ITGA4: variants seen among roughly 807,000 people sequenced by gnomAD.
ITGA4 encodes the protein integrin subunit alpha 4.
Under a neutral mutation model 133.6 loss-of-function variants are expected in ITGA4, and 63 were observed. The ratio of observed to expected loss-of-function variants is 0.47; its 90% CI spans 0.38 to 0.58. ITGA4 has a LOEUF of 0.58. Among genes scored for constraint, ITGA4 ranks in the 20% least tolerant of loss-of-function variants. The pLI, the probability that ITGA4 is intolerant of heterozygous loss-of-function variation, is 0.00. For synonymous variants in ITGA4, 483 were observed against 438.0 expected (o/e 1.10, Z -1.28); for missense variants, 1,076 against 1,252.7 (o/e 0.86, Z 2.13).
chr2:181,521,192 T>C (rs1257725621), intron 17 of ITGA4, among the ~76,000 whole-genome samples: 1 of 152,168 alleles, frequency 6.6e-6, no homozygotes, highest in East Asian at 1.9e-4. Context: ...TTACTAGATA[T>C]CTAAGAACTT....
intron 15 of ITGA4, among the ~76,000 whole-genome samples, chr2:181,503,906 C>T (rs1686337356): frequency 6.6e-6 from 1 of 151,986 alleles, no homozygotes; most frequent in Admixed American, 6.6e-5. Context: ...AATTTTGAAG[C>T]AGTTTTGATT....
Position 181,538,159 on chromosome 2 carries a change from C to A in ITGA4, c.*2632C>A, listed in dbSNP as rs368851275. 2,690 of 1,454,152 alleles carry A rather than the reference C, an allele frequency of 1.8e-3. 8 individuals carry two copies. The highest frequency in any genetic ancestry group is 2.5e-3 in the Non-Finnish European group (2,575 of 1,037,106). The allele number at this position is 1,454,152 out of a possible 1,614,324, so 90.1% of individuals were successfully genotyped here. A position where few individuals can be genotyped will look rare whatever the true frequency, so the allele number is the denominator to read the frequency against. On this transcript the variant is annotated 3_prime_UTR_variant, in exon 28 of 28. Coordinates refer to ENST00000397033, the MANE Select transcript of ITGA4 (RefSeq NM_000885.6). ...CTTTATATTAAAATTCTAGTTTGTACATTTCTTTTAGAAACAATTACATGT... is the reference window on the plus strand; with the variant it reads ...CTTTATATTAAAATTCTAGTTTGTAAATTTCTTTTAGAAACAATTACATGT...
chr2:181,513,187 A>G (rs1161368994), intron 17 of ITGA4, among the ~76,000 whole-genome samples: 1 of 152,030 alleles, frequency 6.6e-6, no homozygotes, highest in Non-Finnish European at 1.5e-5. Context: ...TCTCACTACC[A>G]CATTCAACCT....
Position 181,537,118 on chromosome 2 carries a change from T to C in ITGA4, c.*1591T>C, listed in dbSNP as rs1331337657. 1 of 453,020 alleles carries C rather than the reference T, an allele frequency of 2.2e-6. No homozygotes were observed. Among genetic ancestry groups the C allele is most frequent in the East Asian group, 6.9e-5 (1 of 14,406 alleles). 28.1% of individuals were successfully genotyped at this position (453,020 alleles called of 1,614,324 possible). On this transcript the variant is annotated 3_prime_UTR_variant, in exon 28 of 28. Coordinates refer to ENST00000397033, the MANE Select transcript of ITGA4 (RefSeq NM_000885.6). ...AGGAATAAACTTTATGACATTTATG[T>C]ATTTTTAAAAAACTTTGTATCGTTA...
At chr2:181,517,020 A>G (rs868276240) in intron 17 of ITGA4, among the ~76,000 whole-genome samples, 3 of 152,168 alleles carry the variant, frequency 2.0e-5, no homozygotes, top group Non-Finnish European at 2.9e-5. Context: ...CCTTAACCTC[A>G]GTGAGTTTGC....
At chr2:181,465,931 A>C (rs1685400834) in intron 2 of ITGA4, among the ~76,000 whole-genome samples, 2 of 152,110 alleles carry the variant, frequency 1.3e-5, no homozygotes, top group African/African-American at 2.4e-5. Context: ...TGTTATGAAA[A>C]GTGAGTTAAT....
At position 181,474,960 on chromosome 2, in the gene ITGA4, G is replaced by A. The variant is rs1685640142; in HGVS notation, c.320G>A (p.Gly107Asp). The A allele has an allele frequency of 1.2e-6, 2 of 1,609,170 alleles. No homozygotes were observed. The highest frequency in any genetic ancestry group is 1.1e-5 in the South Asian group (1 of 90,974). The change falls in exon 3 of 28, where the codon GGT becomes GAT. Residue 107 changes from glycine to aspartate, a missense_variant and splice_region_variant. This residue lies in a region of ITGA4 where 436 missense variants were observed against 590.7 expected (regional missense o/e 0.74). Coordinates refer to ENST00000397033, the MANE Select transcript of ITGA4 (RefSeq NM_000885.6). ...ATAAAATTATTTTCACATGCTATAG[G>A]TAGCCCTAATGGAGAACCTTGTGGA... is the stretch of plus-strand genomic sequence containing the variant. ...PGQTCEQLQL[G>D]SPNGEPCGKT...
intron 15 of ITGA4, among the ~76,000 whole-genome samples, chr2:181,508,466 G>T (rs1311458118): frequency 2.6e-5 from 4 of 151,340 alleles, no homozygotes; most frequent in Non-Finnish European, 4.4e-5. Flanking sequence ...GAGGCCGAGT[G>T]GGGTGGATCA....
intron 15 of ITGA4, among the ~76,000 whole-genome samples, chr2:181,507,443 G>C (rs1686416354): frequency 6.6e-6 from 1 of 152,014 alleles, no homozygotes; most frequent in Admixed American, 6.6e-5. Flanking sequence ...GTTTTGTTGA[G>C]TACCCTTTGA....
chr2:181,464,423 G>A (rs1685363961), intron 2 of ITGA4, among the ~76,000 whole-genome samples: 1 of 152,126 alleles, frequency 6.6e-6, no homozygotes, highest in Admixed American at 6.6e-5. Context: ...GAAATACACA[G>A]TTGAATAAGG....
At chr2:181,457,989 G>A in intron 1 of ITGA4, 138 bp downstream of exon 1, 1 of 1,134,228 alleles carries the variant, frequency 8.8e-7, no homozygotes, top group Middle Eastern at 2.8e-4. Flanking sequence ...CAGCTCGCTG[G>A]AAATCTGCCA....
chr2:181,464,368 G>T (rs1685362165), intron 2 of ITGA4, among the ~76,000 whole-genome samples: 1 of 152,030 alleles, frequency 6.6e-6, no homozygotes, highest in African/African-American at 2.4e-5. Flanking sequence ...ACTTTTAACT[G>T]GGTTCTTCCT....
Position 181,536,866 on chromosome 2 carries a change from TTGAACATC to T in ITGA4, c.*1342_*1349del. 2.3e-6 allele frequency: 1 copy of T among 433,288 alleles called. No homozygotes were observed. 26.8% of individuals were successfully genotyped at this position (433,288 alleles called of 1,614,324 possible). The stretch of plus-strand genomic sequence containing the variant: ...TTCATAAGAGAGCTGTGGCCGAATT[TTGAACATC>T]TGTTATAGGGAGTGATCAAATTAGA... On this transcript the variant is annotated 3_prime_UTR_variant, in exon 28 of 28. Transcript: ENST00000397033.
chr2:181,503,453 G>T (rs575009704), intron 15 of ITGA4, among the ~76,000 whole-genome samples: 83 of 151,930 alleles, frequency 5.5e-4, no homozygotes, highest in African/African-American at 2.0e-3. Flanking sequence ...CGGTTAGTAG[G>T]GGAATCAGTT....
intron 17 of ITGA4, among the ~76,000 whole-genome samples, chr2:181,512,125 CAAAT>C (rs1449722058): frequency 2.0e-5 from 3 of 151,968 alleles, no homozygotes; most frequent in Non-Finnish European, 4.4e-5. Context: ...TTTATAATGG[CAAAT>C]AAACCACTGC....
chr2:181,536,312 A>T lies in ITGA4; in HGVS notation c.*785A>T, dbSNP rs1687086126. The T allele has an allele frequency of 1.3e-5, 2 of 152,108 alleles. No homozygotes were observed. Among genetic ancestry groups the T allele is most frequent in the Non-Finnish European group, 2.9e-5 (2 of 67,996 alleles). The allele number at this position is 152,108 out of a possible 1,614,324, so 9.4% of individuals were successfully genotyped here. On this transcript the variant is annotated 3_prime_UTR_variant, in exon 28 of 28. Transcript: ENST00000397033. ...TTCCTATAACACACCTTTATCAAGC[A>T]TACCCAGGAGTAATCTTCAAATCTT...
At position 181,536,878 on chromosome 2, in the gene ITGA4, T is replaced by C. The variant is rs1212241879; in HGVS notation, c.*1351T>C. 1 of 452,502 alleles carries C rather than the reference T, an allele frequency of 2.2e-6. No individual in the cohort carries two copies. The highest frequency in any genetic ancestry group is 2.4e-5 in the Admixed American group (1 of 42,342). The allele number at this position is 452,502 out of a possible 1,614,324, so 28.0% of individuals were successfully genotyped here. A position where few individuals can be genotyped will look rare whatever the true frequency, so the allele number is the denominator to read the frequency against. On this transcript the variant is annotated 3_prime_UTR_variant, in exon 28 of 28. Coordinates refer to ENST00000397033, the MANE Select transcript of ITGA4 (RefSeq NM_000885.6). ...CTGTGGCCGAATTTTGAACATCTGT[T>C]ATAGGGAGTGATCAAATTAGAAGGC... is the stretch of plus-strand genomic sequence containing the variant.
At chr2:181,526,084 G>A (rs1377239600) in intron 21 of ITGA4, among the ~76,000 whole-genome samples, 1 of 152,184 alleles carries the variant, frequency 6.6e-6, no homozygotes, top group Non-Finnish European at 1.5e-5. Flanking sequence ...TCATGTAAAT[G>A]TAAAATGTCA....
At chr2:181,460,566 AGTGTGTGTGTGT>A (rs61016862) in intron 2 of ITGA4, among the ~76,000 whole-genome samples, 28 of 147,958 alleles carry the variant, frequency 1.9e-4, no homozygotes, top group Non-Finnish European at 3.1e-4. Context: ...TCTGTAGAAG[AGTGTGTGTGTGT>A]GTGTGTGTGT....
Sources: allele counts gnomAD v4.1 joint callset (sites outside exome capture counted in the v4.1 genomes callset), GRCh38; gene constraint gnomAD v4.1.1; regional missense constraint gnomAD v4.1.1; transcripts MANE v1.5; gene names NCBI Gene and HGNC (gene_info 2026-07-23, HGNC 2026-07-21).